Variants in RGS7 observed in about 807,000 individuals in gnomAD.
The protein encoded by RGS7 is regulator of G-protein signaling 7.
RGS7 carries 27 observed loss-of-function variants against 81.1 expected under a neutral mutation model. The ratio of observed to expected loss-of-function variants is 0.33; its 90% confidence interval spans 0.25 to 0.46. The LOEUF is 0.46. RGS7 is among the 20% of genes least tolerant of loss of function. The pLI is 1.00. For missense variants in RGS7, 396 were observed against 607.4 expected, an observed-to-expected ratio of 0.65 and a Z score of 3.66; for synonymous variants, 208 against 207.7, an observed-to-expected ratio of 1.00 and a Z score of -0.01.
intron 2 of RGS7, among the ~76,000 whole-genome samples, chr1:241,252,322 G>T (rs1007007831): frequency 6.6e-6 from 1 of 152,158 alleles, no homozygotes; most frequent in African/African-American, 2.4e-5. Flanking sequence ...GGGATTACAG[G>T]CGTGAGCCAC....
intron 2 of RGS7, among the ~76,000 whole-genome samples, chr1:241,352,651 T>C (rs2083318177): frequency 6.6e-6 from 1 of 152,202 alleles, no homozygotes; most frequent in South Asian, 2.1e-4. Flanking sequence ...ACCTGTACCC[T>C]TCAATAGGGT....
chr1:241,206,932 C>T, intron 2 of RGS7, among the ~76,000 whole-genome samples: 1 of 148,220 alleles, frequency 6.7e-6, no homozygotes, highest in Non-Finnish European at 1.5e-5. Context: ...CCCTCTCTCT[C>T]TCCTTTTCTT....
chr1:240,982,422 CAAAAAAAAAAA>C (rs10567618), intron 4 of RGS7, among the ~76,000 whole-genome samples: 1 of 66,214 alleles, frequency 1.5e-5, no homozygotes, highest in African/African-American at 6.2e-5. Context: ...AACTCTGCCT[CAAAAAAAAAAA>C]AAAAAAAAAA....
At chr1:241,074,652 G>A (rs998462407) in intron 3 of RGS7, among the ~76,000 whole-genome samples, 59 of 152,136 alleles carry the variant, frequency 3.9e-4, no homozygotes, top group Non-Finnish European at 6.9e-4. Flanking sequence ...GAAAGTACTG[G>A]CCACAAGTCT....
intron 2 of RGS7, among the ~76,000 whole-genome samples, chr1:241,293,061 T>C (rs1243440976): frequency 6.6e-6 from 1 of 152,200 alleles, no homozygotes; most frequent in Admixed American, 6.5e-5. Context: ...ATGCGGTACA[T>C]ATAAAGTCAT....
At chr1:241,137,002 T>TA (rs776597171) in intron 2 of RGS7, among the ~76,000 whole-genome samples, 28 of 152,196 alleles carry the variant, frequency 1.8e-4, no homozygotes, top group Non-Finnish European at 3.4e-4. Context: ...AGCTAATTCT[T>TA]AAACAATGTG....
At chr1:240,875,823 T>C (rs1665309284) in intron 6 of RGS7, among the ~76,000 whole-genome samples, 1 of 152,200 alleles carries the variant, frequency 6.6e-6, no homozygotes, top group South Asian at 2.1e-4. Context: ...TGTTGGCCAT[T>C]TGTAGGTCTT....
chr1:241,342,656 G>A (rs1228376609), intron 2 of RGS7, among the ~76,000 whole-genome samples: 2 of 152,212 alleles, frequency 1.3e-5, no homozygotes, highest in East Asian at 3.8e-4. Context: ...AAATCTTAGT[G>A]GTTGTATAGT....
intron 3 of RGS7, among the ~76,000 whole-genome samples, chr1:241,066,352 G>A (rs895280076): frequency 6.6e-6 from 1 of 152,168 alleles, no homozygotes; most frequent in Non-Finnish European, 1.5e-5. Flanking sequence ...CTGAAGAAAG[G>A]TGACCCTTCC....
At chr1:241,265,479 A>G (rs925852620) in intron 2 of RGS7, among the ~76,000 whole-genome samples, 19 of 152,316 alleles carry the variant, frequency 1.2e-4, no homozygotes, top group African/African-American at 4.1e-4. Flanking sequence ...GGACAGCCAC[A>G]GGAGGTGTAG....
intron 6 of RGS7, among the ~76,000 whole-genome samples, chr1:240,910,809 C>T (rs2148248005): frequency 6.6e-6 from 1 of 152,160 alleles, no homozygotes; most frequent in South Asian, 2.1e-4. Context: ...CCTCCGCCTC[C>T]CAGGTTCAAG....
chr1:240,938,225 A>G (rs889342359), intron 4 of RGS7, among the ~76,000 whole-genome samples: 2 of 152,218 alleles, frequency 1.3e-5, no homozygotes, highest in Non-Finnish European at 2.9e-5. Flanking sequence ...TGGGTGGTTG[A>G]ATCCACAGAT....
chr1:240,811,780 T>A, intron 14 of RGS7, 138 bp downstream of exon 14: 1 of 811,862 alleles, frequency 1.2e-6, no homozygotes. Context: ...TTCCCTTCAT[T>A]AGGTGGCAGA....
chr1:241,261,435 A>G (rs1452895535), intron 2 of RGS7, among the ~76,000 whole-genome samples: 3 of 152,032 alleles, frequency 2.0e-5, no homozygotes, highest in East Asian at 1.9e-4. Flanking sequence ...CCTGGCCAAC[A>G]TGGGAGAAAC....
intron 2 of RGS7, among the ~76,000 whole-genome samples, chr1:241,153,192 C>T (rs1266506394): frequency 6.6e-6 from 1 of 152,168 alleles, no homozygotes; most frequent in Non-Finnish European, 1.5e-5. Flanking sequence ...AAATTAGATG[C>T]ATTTGTCAGG....
At chr1:241,220,961 GGAAGGAAGGAAGGAA>G (rs2074876109) in intron 2 of RGS7, among the ~76,000 whole-genome samples, 1 of 45,584 alleles carries the variant, frequency 2.2e-5, no homozygotes, top group Admixed American at 2.9e-4. Context: ...AAGGAAGGAA[GGAAGGAAGGAAGGAA>G]GGAAGGAAGG....
intron 2 of RGS7, among the ~76,000 whole-genome samples, chr1:241,139,145 A>G (rs1296583263): frequency 6.6e-6 from 1 of 150,702 alleles, no homozygotes; most frequent in Non-Finnish European, 1.5e-5. Flanking sequence ...TCCCTTCCTC[A>G]TTCACACCCA....
At chr1:241,117,019 C>T (rs2065924673) in intron 2 of RGS7, among the ~76,000 whole-genome samples, 1 of 152,064 alleles carries the variant, frequency 6.6e-6, no homozygotes, top group Admixed American at 6.6e-5. Flanking sequence ...TAAGGTTACA[C>T]AGTTGGTAAG....
At chr1:241,075,087 A>G (rs1467387368) in intron 3 of RGS7, among the ~76,000 whole-genome samples, 1 of 152,192 alleles carries the variant, frequency 6.6e-6, no homozygotes, top group Non-Finnish European at 1.5e-5. Context: ...AAAGAGTAGA[A>G]TATTTATTTT....
Sources: allele counts gnomAD v4.1 joint callset (sites outside exome capture counted in the v4.1 genomes callset), GRCh38; gene constraint gnomAD v4.1.1; transcripts MANE v1.5; gene names NCBI Gene and HGNC (gene_info 2026-07-23, HGNC 2026-07-21).